ARHGEF11: variants seen among roughly 807,000 people sequenced by gnomAD.
ARHGEF11 encodes the protein Rho guanine nucleotide exchange factor 11.
Under a neutral mutation model 193.7 loss-of-function variants are expected in ARHGEF11, and 55 were observed. The ratio of observed to expected loss-of-function variants is 0.28; its 90% confidence interval spans 0.23 to 0.36. ARHGEF11 has a LOEUF of 0.36. ARHGEF11 is among the 10% of genes least tolerant of loss of function. ARHGEF11 has a pLI of 1.00. For synonymous variants in ARHGEF11, 693 were observed against 768.0 expected, an observed-to-expected ratio of 0.90 and a Z score of 1.62; for missense variants, 1,723 against 2,005.6, an observed-to-expected ratio of 0.86 and a Z score of 2.69.
At chr1:156,956,162 G>A (rs1427186133) in intron 19 of ARHGEF11, among the ~76,000 whole-genome samples, 1 of 152,118 alleles carries the variant, frequency 6.6e-6, no homozygotes, top group Non-Finnish European at 1.5e-5. Context: ...TGTTGCCCAG[G>A]CTGGAGTGCA....
At chr1:156,980,833 C>T (rs1158394734) in intron 3 of ARHGEF11, among the ~76,000 whole-genome samples, 1 of 33,670 alleles carries the variant, frequency 3.0e-5, no homozygotes, top group Non-Finnish European at 6.0e-5. Context: ...AGTTATATTC[C>T]GGGGGGGGGG....
Position 156,948,573 on chromosome 1 carries a change from C to T in ARHGEF11, c.1926-75G>A, listed in dbSNP as rs1488564965. On this transcript the variant is annotated intron_variant, in intron 22 of 40. Transcript: ENST00000368194. The surrounding 1 kb of genome is among the most constrained non-coding windows in gnomAD (Gnocchi z 4.2). ...TGCTTACATCCTGGCTAACTCTTACCTGTGGCTCCATCTCAAAGATGCCTC... is the reference window on the plus strand; with the variant it reads ...TGCTTACATCCTGGCTAACTCTTACTTGTGGCTCCATCTCAAAGATGCCTC... 1 of 1,612,768 alleles carries T rather than the reference C, an allele frequency of 6.2e-7. No individual in the cohort carries two copies. Among genetic ancestry groups the T allele is most frequent in the South Asian group, 1.1e-5 (1 of 90,744 alleles).
At chr1:157,024,372 G>C (rs907473042) in intron 1 of ARHGEF11, among the ~76,000 whole-genome samples, 1 of 152,118 alleles carries the variant, frequency 6.6e-6, no homozygotes, top group South Asian at 2.1e-4. Flanking sequence ...ATGGGTGCAC[G>C]ACCTTAGGTG....
intron 7 of ARHGEF11, among the ~76,000 whole-genome samples, chr1:156,973,131 A>G (rs1662742584): frequency 6.6e-6 from 1 of 151,922 alleles, no homozygotes; most frequent in African/African-American, 2.4e-5. Context: ...GGGGCTTGCT[A>G]TGTTGCCCAG....
At chr1:156,959,274 A>T (rs982406426) in intron 15 of ARHGEF11, 132 bp from the exon 16 acceptor site, 28 of 725,088 alleles carry the variant, frequency 3.9e-5, no homozygotes, top group Non-Finnish European at 5.4e-5. Context: ...CTGCCCTGTT[A>T]GTCTAAAAGG....
rs1199451122 is a variant in ARHGEF11 at position 156,973,681 on chromosome 1, C to T, written c.583-1865G>A. 4.6e-5 allele frequency among the ~76,000 whole-genome samples: 7 copies of T among 152,300 alleles called. No homozygotes were observed. In the East Asian group the frequency reaches 1.3e-3, roughly 29 times the overall value. On this transcript the variant is annotated intron_variant, in intron 7 of 40. Transcript: ENST00000368194. ...TTCCCCTAAGCTCTGCTCCTCTCCT[C>T]TATCTCACTCTGTCACTGGTATCAC...
intron 1 of ARHGEF11, among the ~76,000 whole-genome samples, chr1:156,987,874 T>C (rs765740925): frequency 1.3e-5 from 2 of 152,072 alleles, no homozygotes; most frequent in African/African-American, 2.4e-5. Context: ...CTAGGGATGG[T>C]TGGTTCGAAG....
chr1:156,939,475 G>A, intron 37 of ARHGEF11, 73 bp downstream of exon 37: 2 of 1,593,000 alleles, frequency 1.3e-6, no homozygotes, highest in Non-Finnish European at 1.7e-6. Flanking sequence ...AGGGAAGGAA[G>A]CAGCTGTTCG....
chr1:156,971,547 C>T, intron 8 of ARHGEF11, 150 bp downstream of exon 8: 1 of 1,062,690 alleles, frequency 9.4e-7, no homozygotes, highest in African/African-American at 1.6e-5. Context: ...TGGTGCTGAC[C>T]TTGGTTTCTT....
intron 30 of ARHGEF11, 36 bp from the exon 31 acceptor site, chr1:156,944,469 CA>C: frequency 6.3e-7 from 1 of 1,591,348 alleles, no homozygotes. Flanking sequence ...TTCATTCATT[CA>C]TTCATTCATT....
Position 156,991,710 on chromosome 1 carries a change from A to ATTTTTTTTTTTT in ARHGEF11, c.33-5549_33-5538dup, listed in dbSNP as rs57140356. Reference sequence around the variant, plus strand: ...TTAGGGTTTTCTTTTTTTCAAGCTTATTTTTTTTTTTTTTTTTTTTTTTTG... The same window carrying ATTTTTTTTTTTT: ...TTAGGGTTTTCTTTTTTTCAAGCTTATTTTTTTTTTTTTTTTTTTTTTTTTTTTTTTTTTTTG... On this transcript the variant is annotated intron_variant, in intron 1 of 40. Transcript: ENST00000368194. Among the ~76,000 whole-genome samples the ATTTTTTTTTTTT allele has an allele frequency of 3.8e-4, 32 of 83,956 alleles. 2 individuals carry two copies. The highest frequency in any genetic ancestry group is 1.0e-3 in the African/African-American group (23 of 22,930). The allele number at this position is 83,956 out of a possible 152,430, so 55.1% of individuals were successfully genotyped here.
intron 1 of ARHGEF11, among the ~76,000 whole-genome samples, chr1:156,991,738 ACG>A (rs1665758044): frequency 1.2e-5 from 1 of 85,876 alleles, no homozygotes; most frequent in South Asian, 4.3e-4. Context: ...TTTTTTTGAG[ACG>A]GAGTCTCGCT....
chr1:157,044,991 C>T lies in ARHGEF11; in HGVS notation c.-661G>A, dbSNP rs911730785. On this transcript the variant is annotated 5_prime_UTR_variant, in exon 1 of 41. Transcript: ENST00000368194. ...GCACTCCTTCCAAGTCCAGTGCAACCCTGGGAACCAAAATTTATGGACTTC... is the reference window on the plus strand; with the variant it reads ...GCACTCCTTCCAAGTCCAGTGCAACTCTGGGAACCAAAATTTATGGACTTC... 3 of 152,226 alleles carry T rather than the reference C, an allele frequency of 2.0e-5. No individual in the cohort carries two copies. Among genetic ancestry groups the T allele is most frequent in the African/African-American group, 7.3e-5 (3 of 41,268 alleles). The allele number at this position is 152,226 out of a possible 1,614,324, so 9.4% of individuals were successfully genotyped here.
chr1:156,994,954 TTCC>T (rs1666270253), intron 1 of ARHGEF11, among the ~76,000 whole-genome samples: 1 of 152,188 alleles, frequency 6.6e-6, no homozygotes, highest in Non-Finnish European at 1.5e-5. Context: ...GATCAAATGT[TTCC>T]TCCTCAGTAA....
chr1:156,968,153 G>A, intron 10 of ARHGEF11, 29 bp from the exon 11 acceptor site: 1 of 1,591,206 alleles, frequency 6.3e-7, no homozygotes, highest in African/African-American at 1.3e-5. Flanking sequence ...CTGTGAGAAG[G>A]AACCTTGTCC....
chr1:157,016,709 T>A (rs1375147622), intron 1 of ARHGEF11, among the ~76,000 whole-genome samples: 1 of 152,124 alleles, frequency 6.6e-6, no homozygotes, highest in Non-Finnish European at 1.5e-5. Flanking sequence ...TATGTAGGAG[T>A]GTAGACAAAA....
At position 156,935,727 on chromosome 1, in the gene ARHGEF11, T is replaced by C; in HGVS notation, c.*273A>G. On this transcript the variant is annotated 3_prime_UTR_variant, in exon 41 of 41. Coordinates refer to ENST00000368194, the MANE Select transcript of ARHGEF11 (RefSeq NM_198236.3). ...TATGTGGGGTGAGGGCAGACCATGG[T>C]GAGTGGGGGCCTTTCGGATGCAGTC... 2.2e-6 allele frequency: 1 copy of C among 458,008 alleles called. No individual in the cohort carries two copies. The highest frequency in any genetic ancestry group is 3.9e-5 in the Admixed American group (1 of 25,842). 28.4% of individuals were successfully genotyped at this position (458,008 alleles called of 1,614,324 possible). A position where few individuals can be genotyped will look rare whatever the true frequency, so the allele number is the denominator to read the frequency against.
intron 8 of ARHGEF11, among the ~76,000 whole-genome samples, chr1:156,971,298 T>C (rs1270121952): frequency 6.6e-6 from 1 of 152,230 alleles, no homozygotes; most frequent in Non-Finnish European, 1.5e-5. Context: ...AGAAGACTCA[T>C]TACTTGAGTA....
At chr1:157,001,769 A>C (rs1667230950) in intron 1 of ARHGEF11, among the ~76,000 whole-genome samples, 1 of 152,154 alleles carries the variant, frequency 6.6e-6, no homozygotes, top group Non-Finnish European at 1.5e-5. Flanking sequence ...CACTCTTTCT[A>C]CTGAATTACA....
Sources: gnomAD v4.1 joint callset for allele counts (sites outside exome capture counted in the v4.1 genomes callset) on GRCh38, gnomAD v4.1.1 for gene constraint, Gnocchi (gnomAD v3.1) non-coding constraint, MANE v1.5 for transcripts, NCBI Gene and HGNC (gene_info 2026-07-23, HGNC 2026-07-21) for gene names.